SYNRG: variants seen among roughly 807,000 people sequenced by gnomAD.
The protein encoded by SYNRG is AP1 gamma subunit binding protein 1.
Under a neutral mutation model 130.9 loss-of-function variants are expected in SYNRG, and 37 were observed. The observed-to-expected ratio is 0.28, with a 90% CI of 0.22 to 0.37. The LOEUF (loss-of-function observed/expected upper bound fraction) is 0.37. Ranked by LOEUF, SYNRG falls within the 10% of genes least tolerant of loss-of-function variation. The probability of loss-of-function intolerance (pLI) is 1.00; values close to 1 mark genes in which losing one functional copy is unlikely to be tolerated. For missense variants in SYNRG, 1,338 were observed against 1,588.9 expected (o/e 0.84, Z 2.68); for synonymous variants, 539 against 568.1 (o/e 0.95, Z 0.73).
intron 6 of SYNRG, among the ~76,000 whole-genome samples, chr17:37,580,478 CGT>C (rs1341679385): frequency 0.011 from 1,304 of 121,894 alleles, 8 homozygotes; most frequent in Non-Finnish European, 0.015. Context: ...CTTTGTATTT[CGT>C]GTGTGTGTGT....
chr17:37,587,424 T>A (rs894692228), intron 3 of SYNRG, among the ~76,000 whole-genome samples: 1 of 152,200 alleles, frequency 6.6e-6, no homozygotes, highest in African/African-American at 2.4e-5. Context: ...TCCTCTTCTG[T>A]CCCTAACTAA....
At chr17:37,575,840 C>CAAA (rs1187221456) in intron 8 of SYNRG, among the ~76,000 whole-genome samples, 21 of 63,352 alleles carry the variant, frequency 3.3e-4, no homozygotes, top group South Asian at 1.3e-3. Flanking sequence ...GACCTTGTCT[C>CAAA]AAAAAAAAAA....
chr17:37,542,631 A>G (rs779211320), intron 14 of SYNRG, 66 bp from the exon 15 acceptor site: 3 of 1,242,158 alleles, frequency 2.4e-6, no homozygotes, highest in Non-Finnish European at 3.4e-6. Flanking sequence ...TAAACTCTGT[A>G]GAAGCAAAAT....
chr17:37,534,508 G>C (rs950084497), intron 19 of SYNRG, among the ~76,000 whole-genome samples: 3 of 152,042 alleles, frequency 2.0e-5, no homozygotes, highest in African/African-American at 7.2e-5. Context: ...TGACAGGGGT[G>C]AGCCACTGCA....
intron 9 of SYNRG, among the ~76,000 whole-genome samples, chr17:37,571,256 GACTA>G (rs1352559450): frequency 3.3e-5 from 5 of 152,138 alleles, no homozygotes; most frequent in African/African-American, 1.2e-4. Flanking sequence ...ACCTATTACT[GACTA>G]ACTTTCAAGT....
chr17:37,565,056 G>A (rs1273779483), intron 11 of SYNRG, among the ~76,000 whole-genome samples: 1 of 152,176 alleles, frequency 6.6e-6, no homozygotes, highest in African/African-American at 2.4e-5. Flanking sequence ...CTGAGGTCAG[G>A]AGTTCAAGAC....
At chr17:37,609,192 G>C in intron 1 of SYNRG, 87 bp downstream of exon 1, 1 of 1,318,562 alleles carries the variant, frequency 7.6e-7, no homozygotes, top group South Asian at 1.8e-5. Context: ...AAAAGGATCA[G>C]GGCTGGAGAA....
intron 11 of SYNRG, among the ~76,000 whole-genome samples, chr17:37,562,656 G>T (rs541646107): frequency 2.4e-4 from 36 of 152,282 alleles, no homozygotes; most frequent in African/African-American, 8.7e-4. Context: ...GTCCTTTAGG[G>T]CTTAATGCCA....
chr17:37,605,342 G>A (rs2147159792), intron 1 of SYNRG, among the ~76,000 whole-genome samples: 1 of 152,258 alleles, frequency 6.6e-6, no homozygotes, highest in African/African-American at 2.4e-5. Flanking sequence ...CAAAAGAATT[G>A]GAAACTCGTG....
chr17:37,524,456 G>A (rs571210713), intron 19 of SYNRG, among the ~76,000 whole-genome samples: 37 of 152,324 alleles, frequency 2.4e-4, no homozygotes, highest in Non-Finnish European at 4.4e-4. Flanking sequence ...TCACAGCAGG[G>A]GAAGGAAGAA....
In SYNRG at chr17:37,518,806, C is replaced by T. The variant is rs1033631196; in HGVS notation, c.*134G>A. ...AGACTGGCCGTGGGGATGACGGGGG[C>T]CCCGTCCCTTGCGGTGTTCTTCATA... On this transcript the variant is annotated 3_prime_UTR_variant, in exon 22 of 22. Coordinates refer to ENST00000612223, the MANE Select transcript of SYNRG (RefSeq NM_007247.6). 1.1e-4 allele frequency: 141 copies of T among 1,340,068 alleles called. 1 individual carries two copies. In the Admixed American group the frequency reaches 3.3e-3, roughly 31 times the overall value. The allele number at this position is 1,340,068 out of a possible 1,614,324, so 83.0% of individuals were successfully genotyped here.
chr17:37,535,318 A>G (rs1875504835), intron 19 of SYNRG, among the ~76,000 whole-genome samples: 1 of 152,248 alleles, frequency 6.6e-6, no homozygotes, highest in East Asian at 1.9e-4. Context: ...TTGTTAAATT[A>G]AGAAATTGAT....
intron 3 of SYNRG, among the ~76,000 whole-genome samples, chr17:37,590,280 C>G (rs1223910917): frequency 1.3e-5 from 2 of 151,790 alleles, no homozygotes; most frequent in Non-Finnish European, 2.9e-5. Flanking sequence ...ATGATTTATC[C>G]ATCTGTCTTA....
rs753755536 is a variant in SYNRG, at chr17:37,561,200, G to T, written c.1658C>A (p.Pro553His). 6.2e-7 allele frequency: 1 copy of T among 1,612,652 alleles called. No homozygotes were observed. The highest frequency in any genetic ancestry group is 1.3e-5 in the African/African-American group (1 of 74,744). ...RELEQTAENK[P>H]LGESFAEFRS... ...TTGAGGACTCAAAAACTTACCTAAA[G>T]GTTTATTCTCTGCTGTCTGTTCAAG... The change falls in exon 13 of 22, where the codon CCT (proline) becomes CAT (histidine). Residue 553 changes from proline (P) to histidine (H), a missense_variant. This residue lies in a region of SYNRG where 1,146 missense variants were observed against 1,342.3 expected (regional missense o/e 0.85). Coordinates refer to ENST00000612223, the MANE Select transcript of SYNRG (RefSeq NM_007247.6).
chr17:37,529,603 G>A (rs1280704897), intron 19 of SYNRG, among the ~76,000 whole-genome samples: 1 of 151,644 alleles, frequency 6.6e-6, no homozygotes, highest in African/African-American at 2.4e-5. Flanking sequence ...AGGTGCAGCT[G>A]TAGCAAGCTT....
intron 3 of SYNRG, among the ~76,000 whole-genome samples, chr17:37,591,827 G>A (rs961927781): frequency 1.3e-5 from 2 of 151,996 alleles, no homozygotes; most frequent in Admixed American, 6.6e-5. Context: ...AATGGATCAC[G>A]GACTTAAATT....
chr17:37,561,973 G>A (rs1465700106), intron 11 of SYNRG, among the ~76,000 whole-genome samples: 2 of 137,608 alleles, frequency 1.5e-5, no homozygotes, highest in East Asian at 4.2e-4. Flanking sequence ...AAAGTGAACT[G>A]TTCCACATAT....
intron 9 of SYNRG, among the ~76,000 whole-genome samples, chr17:37,571,136 A>G (rs1457307312): frequency 1.3e-5 from 2 of 152,246 alleles, no homozygotes; most frequent in African/African-American, 4.8e-5. Context: ...CTATATGATC[A>G]AATCATTTAA....
intron 14 of SYNRG, 62 bp downstream of exon 14, chr17:37,553,053 C>A: frequency 6.7e-7 from 1 of 1,497,694 alleles, no homozygotes; most frequent in African/African-American, 1.4e-5. Flanking sequence ...TAAATCAACA[C>A]CCGCAGAATC....
Sources: gnomAD v4.1 joint callset for allele counts (sites outside exome capture counted in the v4.1 genomes callset) on GRCh38, gnomAD v4.1.1 for gene constraint, gnomAD v4.1.1 regional missense constraint, MANE v1.5 for transcripts, NCBI Gene and HGNC (gene_info 2026-07-23, HGNC 2026-07-21) for gene names.